The following ERG variants were observed in gnomAD, a reference collection of about 807,000 sequenced individuals.
ERG encodes the protein transcriptional regulator ERG.
Under a neutral mutation model 55.3 loss-of-function variants are expected in ERG, and 9 were observed. The ratio of observed to expected loss-of-function variants is 0.16; its 90% CI spans 0.10 to 0.28. The LOEUF (loss-of-function observed/expected upper bound fraction) is 0.28. Among genes scored for constraint, ERG ranks in the 10% least tolerant of loss-of-function variants. The pLI is 1.00. For synonymous variants in ERG, 223 were observed against 237.3 expected (o/e 0.94, Z 0.55); for missense variants, 434 against 631.6 (o/e 0.69, Z 3.35).
intron 2 of ERG, among the ~76,000 whole-genome samples, chr21:38,538,706 G>A (rs2059729432): frequency 6.6e-6 from 1 of 151,982 alleles, no homozygotes; most frequent in African/African-American, 2.4e-5. Context: ...GGCCAAACAT[G>A]ACTGGCCAGC....
rs2059366944 is a variant in ERG, at chr21:38,494,869, G to T, written c.18+3494C>A. 2.0e-5 allele frequency among the ~76,000 whole-genome samples: 3 copies of T among 152,238 alleles called. No individual in the cohort carries two copies. The South Asian group carries it at 6.2e-4, about 31-fold the overall frequency. ...GGGAGAACTGTGCTGTGTCCACAGA[G>T]GGCAGCCTGGATCACAGAGCTGACC... is the stretch of plus-strand genomic sequence containing the variant. On this transcript the variant is annotated intron_variant, in intron 1 of 9. Transcript: ENST00000288319.
chr21:38,592,405 T>C (rs2060105953), intron 1 of ERG, among the ~76,000 whole-genome samples: 1 of 152,194 alleles, frequency 6.6e-6, no homozygotes, highest in African/African-American at 2.4e-5. Context: ...GCTGCTCTCC[T>C]AGGCGCTGAG....
chr21:38,560,371 C>T (rs1461271928), intron 2 of ERG, among the ~76,000 whole-genome samples: 1 of 152,132 alleles, frequency 6.6e-6, no homozygotes, highest in Admixed American at 6.5e-5. Flanking sequence ...CACCTCAGGC[C>T]CTGCCTCATC....
chr21:38,410,922 A>C (rs954144796), intron 3 of ERG, among the ~76,000 whole-genome samples: 46 of 152,234 alleles, frequency 3.0e-4, no homozygotes, highest in African/African-American at 1.1e-3. Flanking sequence ...GTTATGAAAA[A>C]AACATCAAAA....
At chr21:38,658,903 A>G (rs1026944351) in intron 1 of ERG, among the ~76,000 whole-genome samples, 2 of 152,244 alleles carry the variant, frequency 1.3e-5, no homozygotes, top group African/African-American at 4.8e-5. Context: ...AATCCCTTCA[A>G]TGGTAAATGC....
At chr21:38,482,365 G>GT (rs1219947104) in intron 1 of ERG, among the ~76,000 whole-genome samples, 3 of 152,310 alleles carry the variant, frequency 2.0e-5, no homozygotes, top group Middle Eastern at 3.4e-3. Context: ...ACAAGAAATA[G>GT]TAAGTGTTGG....
chr21:38,446,319 C>CT (rs1176296811), intron 1 of ERG, among the ~76,000 whole-genome samples: 1 of 145,418 alleles, frequency 6.9e-6, no homozygotes, highest in African/African-American at 2.5e-5. Flanking sequence ...CTGACAAGCT[C>CT]TTTTTTCCCC....
intron 7 of ERG, 49 bp from the exon 8 acceptor site, chr21:38,391,764 A>C (rs1987983181): frequency 6.9e-7 from 1 of 1,458,478 alleles, no homozygotes; most frequent in Non-Finnish European, 9.6e-7. Context: ...AGATTTGGTC[A>C]CTAGTCTTTG....
At chr21:38,403,816 A>T in intron 3 of ERG, 107 bp from the exon 4 acceptor site, 1 of 1,073,230 alleles carries the variant, frequency 9.3e-7, no homozygotes, top group South Asian at 1.4e-5. Flanking sequence ...TTCCACAAGC[A>T]CAGCCTCCAG....
chr21:38,591,416 T>C (rs1361114762), intron 1 of ERG, among the ~76,000 whole-genome samples: 1 of 152,104 alleles, frequency 6.6e-6, no homozygotes, highest in Non-Finnish European at 1.5e-5. Flanking sequence ...GGAGTGGCAG[T>C]TCAAAGAAAA....
At chr21:38,395,094 TATATG>T (rs1988147746) in intron 6 of ERG, among the ~76,000 whole-genome samples, 1 of 152,378 alleles carries the variant, frequency 6.6e-6, no homozygotes, top group African/African-American at 2.4e-5. Context: ...TTGAGACAGT[TATATG>T]AACAATGATT....
At chr21:38,581,130 G>A (rs1162654231) in intron 1 of ERG, among the ~76,000 whole-genome samples, 1 of 152,170 alleles carries the variant, frequency 6.6e-6, no homozygotes, top group East Asian at 1.9e-4. Flanking sequence ...AAGGCACTCT[G>A]GGTGCCCCAG....
downstream of ERG, among the ~76,000 whole-genome samples, chr21:38,377,185 AAGAT>A (rs1207741153): frequency 2.0e-5 from 3 of 152,260 alleles, no homozygotes; most frequent in Non-Finnish European, 4.4e-5. Context: ...TTAAATGAAA[AAGAT>A]AGTGTATGCA....
chr21:38,556,565 C>T (rs2059859646), intron 2 of ERG, among the ~76,000 whole-genome samples: 1 of 152,052 alleles, frequency 6.6e-6, no homozygotes, highest in South Asian at 2.1e-4. Context: ...CCCAGACAGA[C>T]TATATTTACC....
At chr21:38,507,540 G>GAATGAATA (rs1555847695) in intron 2 of ERG, among the ~76,000 whole-genome samples, 1 of 151,600 alleles carries the variant, frequency 6.6e-6, no homozygotes, top group Non-Finnish European at 1.5e-5. Flanking sequence ...ATGAGTGAAT[G>GAATGAATA]AATGAATGAA....
chr21:38,409,144 C>T (rs1164012249), intron 3 of ERG, among the ~76,000 whole-genome samples: 1 of 152,066 alleles, frequency 6.6e-6, no homozygotes, highest in East Asian at 1.9e-4. Context: ...ACTAAGGACC[C>T]ACTGAGAGAG....
Position 38,483,279 on chromosome 21 carries a change from T to C in ERG, c.18+15084A>G, listed in dbSNP as rs76646054. ...TGGGATTTTTGCTTTAAGAGTAGAT[T>C]TTAGGTGCTCTTGCCCCACAAAAAA... On this transcript the variant is annotated intron_variant, in intron 1 of 9. Transcript: ENST00000288319. 4.2e-3 allele frequency among the ~76,000 whole-genome samples: 634 copies of C among 152,272 alleles called. 2 individuals carry two copies. The highest frequency in any genetic ancestry group is 0.014 in the African/African-American group (602 of 41,542).
At chr21:38,422,402 C>T (rs2146499625) in intron 3 of ERG, among the ~76,000 whole-genome samples, 1 of 152,366 alleles carries the variant, frequency 6.6e-6, no homozygotes, top group Non-Finnish European at 1.5e-5. Context: ...TGAGTCCTAA[C>T]TTGGCCTCTT....
intron 2 of ERG, among the ~76,000 whole-genome samples, chr21:38,440,773 G>A (rs1470018846): frequency 1.7e-5 from 2 of 118,070 alleles, no homozygotes; most frequent in African/African-American, 6.4e-5. Context: ...TGGGTGACAA[G>A]AGCAAAACTG....
Sources: allele counts gnomAD v4.1 joint callset (sites outside exome capture counted in the v4.1 genomes callset), GRCh38; gene constraint gnomAD v4.1.1; transcripts MANE v1.5; gene names NCBI Gene and HGNC (gene_info 2026-07-23, HGNC 2026-07-21).